CDK14: variants seen among roughly 807,000 people sequenced by gnomAD.
CDK14 encodes the protein cyclin-dependent kinase 14.
In CDK14, 34 loss-of-function variants were observed where a neutral mutation model predicts 60.7. The observed-to-expected ratio is 0.56, with a 90% CI of 0.43 to 0.75. CDK14 has a LOEUF of 0.75. Among genes scored for constraint, CDK14 ranks in the 30% least tolerant of loss-of-function variants. The pLI, the probability that CDK14 is intolerant of heterozygous loss-of-function variation, is 0.00. For synonymous variants in CDK14, 197 were observed against 203.7 expected (o/e 0.97, Z 0.28); for missense variants, 482 against 564.1 (o/e 0.85, Z 1.47).
intron 5 of CDK14, among the ~76,000 whole-genome samples, chr7:90,832,029 A>G (rs140182938): frequency 3.1e-4 from 47 of 151,796 alleles, no homozygotes; most frequent in African/African-American, 1.1e-3. Context: ...TCAAGAGATT[A>G]CCTCCTCAAA....
At chr7:90,618,783 T>G (rs987666228) in intron 2 of CDK14, among the ~76,000 whole-genome samples, 4 of 152,246 alleles carry the variant, frequency 2.6e-5, no homozygotes, top group Non-Finnish European at 5.9e-5. Context: ...GTACTTTATC[T>G]TTCCTTTTTA....
At chr7:90,709,423 C>G in intron 2 of CDK14, 1 of 1,435,016 alleles carries the variant, frequency 7.0e-7, no homozygotes. Context: ...AATGTTTTTC[C>G]TCCTATGCAA....
chr7:90,930,553 T>C (rs1024725258), intron 8 of CDK14, among the ~76,000 whole-genome samples: 1 of 147,468 alleles, frequency 6.8e-6, no homozygotes, highest in Admixed American at 6.8e-5. Flanking sequence ...TTTTTTTTTT[T>C]GGTCAAGCTC....
At chr7:90,782,532 G>T (rs571847524) in intron 4 of CDK14, among the ~76,000 whole-genome samples, 6 of 152,080 alleles carry the variant, frequency 3.9e-5, no homozygotes, top group Admixed American at 3.9e-4. Flanking sequence ...GGAGCCTCTG[G>T]AATCTCTTTG....
chr7:90,914,738 A>G (rs1793018468), intron 7 of CDK14, among the ~76,000 whole-genome samples: 1 of 152,114 alleles, frequency 6.6e-6, no homozygotes, highest in African/African-American at 2.4e-5. Flanking sequence ...TATTTTCACT[A>G]ATTAGTAAAG....
At chr7:90,869,262 GT>G (rs1791290897) in intron 6 of CDK14, among the ~76,000 whole-genome samples, 1 of 152,224 alleles carries the variant, frequency 6.6e-6, no homozygotes, top group Admixed American at 6.5e-5. Context: ...TTAATTGAGG[GT>G]GATCAGGGAG....
intron 5 of CDK14, among the ~76,000 whole-genome samples, chr7:90,803,735 G>A (rs1435237855): frequency 1.3e-5 from 2 of 152,160 alleles, no homozygotes; most frequent in Non-Finnish European, 2.9e-5. Flanking sequence ...TCATATTCGA[G>A]TATATGATCT....
intron 14 of CDK14, among the ~76,000 whole-genome samples, chr7:91,161,895 A>C (rs536529394): frequency 5.9e-5 from 9 of 152,352 alleles, no homozygotes; most frequent in African/African-American, 1.9e-4. Flanking sequence ...AATTTCTAAT[A>C]AAGTTCATGA....
At chr7:90,628,668 A>G (rs575075016) in intron 2 of CDK14, among the ~76,000 whole-genome samples, 2 of 152,082 alleles carry the variant, frequency 1.3e-5, no homozygotes, top group East Asian at 3.9e-4. Context: ...AAAAATATAT[A>G]TATATTTAAA....
chr7:90,648,112 A>G (rs1329042520), intron 2 of CDK14, among the ~76,000 whole-genome samples: 1 of 152,128 alleles, frequency 6.6e-6, no homozygotes, highest in Non-Finnish European at 1.5e-5. Context: ...TCTGTGGGTT[A>G]GCAATTTGGG....
chr7:90,611,284 T>G (rs1799533351), intron 2 of CDK14, among the ~76,000 whole-genome samples: 1 of 152,218 alleles, frequency 6.6e-6, no homozygotes, highest in African/African-American at 2.4e-5. Context: ...GAGTGGTTGA[T>G]GTACACTTGA....
chr7:90,898,973 A>G (rs1446585835), intron 6 of CDK14, among the ~76,000 whole-genome samples: 3 of 151,996 alleles, frequency 2.0e-5, no homozygotes, highest in African/African-American at 7.2e-5. Context: ...TTGGTTAAAT[A>G]TGTGTGGTTT....
At chr7:90,826,923 C>T (rs1789745049) in intron 5 of CDK14, among the ~76,000 whole-genome samples, 1 of 151,820 alleles carries the variant, frequency 6.6e-6, no homozygotes, top group African/African-American at 2.4e-5. Context: ...TCAGGGTTCA[C>T]TCTGTTGTAT....
chr7:90,906,625 T>A (rs567657150), intron 7 of CDK14, among the ~76,000 whole-genome samples: 4 of 152,212 alleles, frequency 2.6e-5, no homozygotes, highest in African/African-American at 9.6e-5. Context: ...TTTTTCTTTG[T>A]TGATATTTTG....
intron 2 of CDK14, among the ~76,000 whole-genome samples, chr7:90,688,636 A>G (rs1323446418): frequency 1.3e-5 from 2 of 152,202 alleles, no homozygotes; most frequent in Admixed American, 6.5e-5. Flanking sequence ...AAAGTAAACT[A>G]GAAAAGATAT....
chr7:90,830,510 A>T (rs1789880548), intron 5 of CDK14, among the ~76,000 whole-genome samples: 1 of 152,090 alleles, frequency 6.6e-6, no homozygotes, highest in Admixed American at 6.6e-5. Context: ...TGCTGCAAAG[A>T]TCTCTGAAAT....
intron 14 of CDK14, among the ~76,000 whole-genome samples, chr7:91,180,247 A>T (rs1022731584): frequency 6.6e-6 from 1 of 152,196 alleles, no homozygotes; most frequent in Non-Finnish European, 1.5e-5. Flanking sequence ...GGGATACAAA[A>T]TGCATCACAA....
intron 2 of CDK14, among the ~76,000 whole-genome samples, chr7:90,604,715 C>T (rs1799381664): frequency 6.7e-6 from 1 of 149,254 alleles, no homozygotes; most frequent in East Asian, 1.9e-4. Context: ...TTTTCCTATT[C>T]TTTGTATATC....
At chr7:90,624,052 T>G (rs1481732504) in intron 2 of CDK14, among the ~76,000 whole-genome samples, 1 of 152,200 alleles carries the variant, frequency 6.6e-6, no homozygotes, top group Non-Finnish European at 1.5e-5. Flanking sequence ...TTTCAGTGAA[T>G]TTTTGCAACA....
Sources: gnomAD v4.1 joint callset for allele counts (sites outside exome capture counted in the v4.1 genomes callset) on GRCh38, gnomAD v4.1.1 for gene constraint, MANE v1.5 for transcripts, NCBI Gene and HGNC (gene_info 2026-07-23, HGNC 2026-07-21) for gene names.